Variants in MSRA observed in about 807,000 individuals in gnomAD.
MSRA encodes the protein methionine sulfoxide reductase A.
Under a neutral mutation model 31.3 loss-of-function variants are expected in MSRA, and 54 were observed. That is an observed-to-expected ratio of 1.73 (90% CI 1.39 to 2.17). The LOEUF (loss-of-function observed/expected upper bound fraction) is 2.17. MSRA is among the 30% of genes most tolerant of loss of function. The pLI, the probability that MSRA is intolerant of heterozygous loss-of-function variation, is 0.00. For synonymous variants in MSRA, 169 were observed against 116.5 expected, an observed-to-expected ratio of 1.45 and a Z score of -2.90; for missense variants, 507 against 300.9, an observed-to-expected ratio of 1.69 and a Z score of -5.07.
At chr8:10,323,768 G>GTGTGTGTGTGTGTGTGTGTC (rs1563350938) in intron 5 of MSRA, among the ~76,000 whole-genome samples, 2 of 151,556 alleles carry the variant, frequency 1.3e-5, no homozygotes, top group Non-Finnish European at 2.9e-5. Flanking sequence ...GTGTGTGTGT[G>GTGTGTGTGTGTGTGTGTGTC]TGTGTGTCTG....
chr8:10,252,270 C>T (rs138911527), intron 3 of MSRA, among the ~76,000 whole-genome samples: 7 of 152,108 alleles, frequency 4.6e-5, no homozygotes, highest in African/African-American at 1.4e-4. Flanking sequence ...AAAAGAAGTT[C>T]GAATCGTACA....
At chr8:10,276,246 C>G (rs1799315980) in intron 3 of MSRA, among the ~76,000 whole-genome samples, 1 of 152,224 alleles carries the variant, frequency 6.6e-6, no homozygotes, top group Non-Finnish European at 1.5e-5. Flanking sequence ...GTTTGGGGCT[C>G]AGTGGCCGAG....
chr8:10,362,461 CAAAAAA>C (rs11388593), intron 5 of MSRA, among the ~76,000 whole-genome samples: 7 of 76,722 alleles, frequency 9.1e-5, no homozygotes, highest in Non-Finnish European at 1.0e-4. Context: ...ATACCATAAG[CAAAAAA>C]AAAAAAAAAA....
intron 5 of MSRA, among the ~76,000 whole-genome samples, chr8:10,329,883 C>G (rs894281502): frequency 6.6e-6 from 1 of 151,838 alleles, no homozygotes; most frequent in South Asian, 2.1e-4. Flanking sequence ...TTTCATACAT[C>G]TCTACCTTCA....
intron 1 of MSRA, among the ~76,000 whole-genome samples, chr8:10,154,854 A>G (rs193256477): frequency 7.6e-4 from 116 of 152,036 alleles, no homozygotes; most frequent in Non-Finnish European, 1.4e-3. Flanking sequence ...ATAGTGATCT[A>G]TTGTTTTAAT....
At chr8:10,311,396 AT>A (rs1208299792) in intron 4 of MSRA, among the ~76,000 whole-genome samples, 1 of 152,186 alleles carries the variant, frequency 6.6e-6, no homozygotes, top group Non-Finnish European at 1.5e-5. Flanking sequence ...TGAGAGCCTT[AT>A]TAAGGACGTA....
chr8:10,336,243 T>A (rs1803034886), intron 5 of MSRA, among the ~76,000 whole-genome samples: 1 of 152,084 alleles, frequency 6.6e-6, no homozygotes, highest in African/African-American at 2.4e-5. Context: ...ATAGCAAGAT[T>A]TAGTAAGAAA....
intron 1 of MSRA, among the ~76,000 whole-genome samples, chr8:10,085,555 G>C (rs1186045430): frequency 2.0e-5 from 3 of 152,086 alleles, no homozygotes; most frequent in African/African-American, 7.2e-5. Flanking sequence ...ACGGTACCTT[G>C]GATGGTTTCT....
At chr8:10,396,547 C>T (rs1344414024) in intron 5 of MSRA, among the ~76,000 whole-genome samples, 1 of 152,096 alleles carries the variant, frequency 6.6e-6, no homozygotes, top group Admixed American at 6.6e-5. Context: ...CTATTAAACC[C>T]CTTAGGAATG....
intron 5 of MSRA, among the ~76,000 whole-genome samples, chr8:10,323,649 T>C (rs1177892085): frequency 6.6e-6 from 1 of 152,150 alleles, no homozygotes; most frequent in Admixed American, 6.5e-5. Context: ...ATCCTTTCAT[T>C]ATTTTTGTAG....
intron 5 of MSRA, among the ~76,000 whole-genome samples, chr8:10,322,730 T>C (rs1273042993): frequency 6.6e-6 from 1 of 152,028 alleles, no homozygotes; most frequent in Non-Finnish European, 1.5e-5. Flanking sequence ...TTATTGGGAG[T>C]TGTCAACTTA....
rs963716276 is a variant in MSRA at position 10,264,551 on chromosome 8, G to A, written c.331+19328G>A. Among the ~76,000 whole-genome samples, 44 of 152,330 alleles carry A rather than the reference G, an allele frequency of 2.9e-4. 1 individual carries two copies. The highest frequency in any genetic ancestry group is 1.1e-3 in the African/African-American group (44 of 41,568). Reference sequence around the variant, plus strand: ...GTGCTGCCAGGCAAAGCTGCTCCCAGTGGAGCCCAGGTGGGTGCAACAGGG... The same window carrying A: ...GTGCTGCCAGGCAAAGCTGCTCCCAATGGAGCCCAGGTGGGTGCAACAGGG... On this transcript the variant is annotated intron_variant, in intron 3 of 5. Coordinates refer to ENST00000317173, the MANE Select transcript of MSRA (RefSeq NM_012331.5).
chr8:10,054,390 C>G lies in MSRA; in HGVS notation c.-127C>G. 1 of 641,110 alleles carries G rather than the reference C, an allele frequency of 1.6e-6. No individual in the cohort carries two copies. Among genetic ancestry groups the G allele is most frequent in the Non-Finnish European group, 2.2e-6 (1 of 451,272 alleles). The allele number at this position is 641,110 out of a possible 1,614,324, so 39.7% of individuals were successfully genotyped here. A position where few individuals can be genotyped will look rare whatever the true frequency, so the allele number is the denominator to read the frequency against. On this transcript the variant is annotated 5_prime_UTR_variant, in exon 1 of 6. Transcript: ENST00000317173. ...CTCCAGCCCCGCCAGCAGCGCCCCG[C>G]GCCCGCCCGCCCGCGCCCCTGCCGC... is the stretch of plus-strand genomic sequence containing the variant.
At chr8:10,237,084 C>G (rs1451744823) in intron 2 of MSRA, among the ~76,000 whole-genome samples, 1 of 152,212 alleles carries the variant, frequency 6.6e-6, no homozygotes, top group Non-Finnish European at 1.5e-5. Context: ...ACACTAAAAT[C>G]ACCTGTTAAG....
chr8:10,207,384 A>G (rs1054125995), intron 1 of MSRA, among the ~76,000 whole-genome samples: 5 of 152,200 alleles, frequency 3.3e-5, no homozygotes, highest in Non-Finnish European at 2.9e-5. Flanking sequence ...ATTGCTCCCA[A>G]TGGAACCTTG....
At chr8:10,063,115 A>G (rs1301340875) in intron 1 of MSRA, among the ~76,000 whole-genome samples, 2 of 152,110 alleles carry the variant, frequency 1.3e-5, no homozygotes, top group Non-Finnish European at 2.9e-5. Flanking sequence ...TTTGTTTCCA[A>G]AAGATTGACT....
At chr8:10,270,635 G>A (rs1034354747) in intron 3 of MSRA, among the ~76,000 whole-genome samples, 6 of 152,334 alleles carry the variant, frequency 3.9e-5, no homozygotes, top group African/African-American at 1.4e-4. Flanking sequence ...ACACGTTGGT[G>A]AGGGGTGAAG....
intron 4 of MSRA, among the ~76,000 whole-genome samples, chr8:10,313,683 C>G (rs769052137): frequency 3.3e-5 from 5 of 152,086 alleles, no homozygotes; most frequent in Non-Finnish European, 5.9e-5. Context: ...ATCTTAAAAG[C>G]TAATCTCGAC....
intron 2 of MSRA, among the ~76,000 whole-genome samples, chr8:10,220,108 CAG>C (rs1409915746): frequency 6.6e-6 from 1 of 152,170 alleles, no homozygotes; most frequent in Non-Finnish European, 1.5e-5. Context: ...TTCTTATGTA[CAG>C]AGTCTTAAAA....
Sources: gnomAD v4.1 joint callset for allele counts (sites outside exome capture counted in the v4.1 genomes callset) on GRCh38, gnomAD v4.1.1 for gene constraint, MANE v1.5 for transcripts, NCBI Gene and HGNC (gene_info 2026-07-23, HGNC 2026-07-21) for gene names.